Variants in SLC4A10 observed in about 807,000 individuals in gnomAD.
SLC4A10 encodes solute carrier family 4 member 10, also known as sodium-driven chloride bicarbonate exchanger.
A neutral mutation model predicts 137.7 loss-of-function variants in SLC4A10; 42 were observed. The ratio of observed to expected loss-of-function variants is 0.30; its 90% CI spans 0.24 to 0.39. The LOEUF (loss-of-function observed/expected upper bound fraction) is 0.39. SLC4A10 is among the 10% of genes least tolerant of loss of function. The pLI is 1.00. For synonymous variants in SLC4A10, 474 were observed against 464.1 expected (o/e 1.02, Z -0.27); for missense variants, 925 against 1,355.0 (o/e 0.68, Z 4.98).
At chr2:161,854,895 C>T in intron 4 of SLC4A10, 75 bp from the exon 5 acceptor site, 1 of 1,367,546 alleles carries the variant, frequency 7.3e-7, no homozygotes, top group Non-Finnish European at 9.7e-7. Context: ...TCTATTTCAA[C>T]CTTTTATTTT....
intron 1 of SLC4A10, among the ~76,000 whole-genome samples, chr2:161,719,286 C>A (rs1002914405): frequency 9.2e-5 from 14 of 152,096 alleles, no homozygotes; most frequent in Non-Finnish European, 1.9e-4. Context: ...GCCACATTTT[C>A]TTAATCCAGT....
chr2:161,880,004 TA>T (rs981183008), intron 9 of SLC4A10, among the ~76,000 whole-genome samples: 3 of 151,964 alleles, frequency 2.0e-5, no homozygotes, highest in South Asian at 2.1e-4. Flanking sequence ...AAGAAAAAGA[TA>T]AAAAAAAGAA....
In SLC4A10 at chr2:161,802,852, A is replaced by G. The variant is rs748528342; in HGVS notation, c.131-1597A>G. ...GGTGTTTCTTCTTTTAAGAACACTAATTGGATGGATCCAGCCCCACTCCTA... is the reference window on the plus strand; with the variant it reads ...GGTGTTTCTTCTTTTAAGAACACTAGTTGGATGGATCCAGCCCCACTCCTA... On this transcript the variant is annotated intron_variant, in intron 2 of 26. Coordinates refer to ENST00000446997, the MANE Select transcript of SLC4A10 (RefSeq NM_001178015.2). Among the ~76,000 whole-genome samples, 134 of 152,062 alleles carry G rather than the reference A, an allele frequency of 8.8e-4. 1 individual carries two copies. Among genetic ancestry groups the G allele is most frequent in the Non-Finnish European group, 2.2e-4 (15 of 67,984 alleles).
chr2:161,896,584 G>A (rs192088803), intron 11 of SLC4A10, among the ~76,000 whole-genome samples: 14 of 152,130 alleles, frequency 9.2e-5, no homozygotes, highest in African/African-American at 3.4e-4. Context: ...TACAAGGGAC[G>A]TGAAGGACCT....
chr2:161,682,738 AT>A (rs1271161718), intron 1 of SLC4A10, among the ~76,000 whole-genome samples: 1 of 151,972 alleles, frequency 6.6e-6, no homozygotes, highest in African/African-American at 2.4e-5. Flanking sequence ...ACGGCTAGGT[AT>A]TCTTTCTCTC....
intron 20 of SLC4A10, 132 bp from the exon 21 acceptor site, chr2:161,958,355 T>C (rs973787481): frequency 9.0e-6 from 6 of 666,462 alleles, no homozygotes; most frequent in African/African-American, 7.6e-5. Flanking sequence ...ACTTGAATCC[T>C]TGTCTTCTGA....
chr2:161,676,523 G>T (rs2040293053), intron 1 of SLC4A10, among the ~76,000 whole-genome samples: 1 of 152,012 alleles, frequency 6.6e-6, no homozygotes, highest in Non-Finnish European at 1.5e-5. Flanking sequence ...AACTCACTTT[G>T]TAGCTGAGAC....
intron 15 of SLC4A10, among the ~76,000 whole-genome samples, chr2:161,913,536 C>T (rs1192420816): frequency 6.6e-6 from 1 of 152,182 alleles, no homozygotes; most frequent in African/African-American, 2.4e-5. Context: ...TTAGTTCATA[C>T]TTCACCAAAG....
intron 1 of SLC4A10, among the ~76,000 whole-genome samples, chr2:161,769,502 C>T (rs2051303595): frequency 6.6e-6 from 1 of 151,906 alleles, no homozygotes; most frequent in Non-Finnish European, 1.5e-5. Flanking sequence ...ACTATATCCT[C>T]TTTCCTCATT....
chr2:161,742,014 C>G (rs559880249), intron 1 of SLC4A10, among the ~76,000 whole-genome samples: 1 of 152,308 alleles, frequency 6.6e-6, no homozygotes, highest in East Asian at 1.9e-4. Context: ...TCATTCTCCT[C>G]TCTATCTCCA....
At chr2:161,805,773 C>T (rs561000620) in intron 3 of SLC4A10, among the ~76,000 whole-genome samples, 56 of 152,298 alleles carry the variant, frequency 3.7e-4, no homozygotes, top group African/African-American at 1.2e-3. Context: ...CATGGGCTGG[C>T]GTTGAGTGTC....
intron 2 of SLC4A10, among the ~76,000 whole-genome samples, chr2:161,788,316 T>C (rs1019521657): frequency 3.9e-5 from 6 of 152,140 alleles, no homozygotes; most frequent in Admixed American, 6.5e-5. Flanking sequence ...TCTTGTACAC[T>C]AGTACTATAC....
chr2:161,755,164 C>T (rs1263611723), intron 1 of SLC4A10, among the ~76,000 whole-genome samples: 5 of 152,184 alleles, frequency 3.3e-5, no homozygotes, highest in Non-Finnish European at 5.9e-5. Context: ...TTCGCTTAAT[C>T]GGTATGCAGT....
At chr2:161,743,168 G>A (rs2048086537) in intron 1 of SLC4A10, among the ~76,000 whole-genome samples, 1 of 152,046 alleles carries the variant, frequency 6.6e-6, no homozygotes, top group Non-Finnish European at 1.5e-5. Flanking sequence ...TGTGCTTTTT[G>A]GGTATCACTC....
intron 6 of SLC4A10, 73 bp from the exon 7 acceptor site, chr2:161,872,220 G>A: frequency 9.5e-7 from 1 of 1,048,004 alleles, no homozygotes; most frequent in South Asian, 1.5e-5. Flanking sequence ...TTTAATTGAA[G>A]TGCCTATTTC....
chr2:161,713,488 G>A (rs1444033024), intron 1 of SLC4A10, among the ~76,000 whole-genome samples: 3 of 151,666 alleles, frequency 2.0e-5, no homozygotes, highest in Non-Finnish European at 4.4e-5. Flanking sequence ...CTATCCACAA[G>A]CACTCAAAAG....
intron 1 of SLC4A10, among the ~76,000 whole-genome samples, chr2:161,657,845 T>C (rs2037759357): frequency 6.6e-6 from 1 of 152,094 alleles, no homozygotes; most frequent in African/African-American, 2.4e-5. Context: ...GGATGAATGA[T>C]GAGAAGTTCT....
At chr2:161,841,002 GA>G (rs1457768483) in intron 4 of SLC4A10, among the ~76,000 whole-genome samples, 4 of 152,160 alleles carry the variant, frequency 2.6e-5, no homozygotes, top group Non-Finnish European at 5.9e-5. Context: ...CAGAAAAGCA[GA>G]GGGGACAGTA....
intron 2 of SLC4A10, among the ~76,000 whole-genome samples, chr2:161,800,824 A>T (rs559670107): frequency 1.3e-5 from 2 of 152,134 alleles, no homozygotes; most frequent in South Asian, 4.1e-4. Flanking sequence ...TGGTCTGAAA[A>T]TGTCAGAATG....
Sources: allele counts gnomAD v4.1 joint callset (sites outside exome capture counted in the v4.1 genomes callset), GRCh38; gene constraint gnomAD v4.1.1; transcripts MANE v1.5; gene names NCBI Gene and HGNC (gene_info 2026-07-23, HGNC 2026-07-21).